Variants in VRK2 observed in about 807,000 individuals in gnomAD.
The protein encoded by VRK2 is serine/threonine-protein kinase VRK2.
Under a neutral mutation model 57.6 loss-of-function variants are expected in VRK2, and 60 were observed. The ratio of observed to expected loss-of-function variants is 1.04; its 90% CI spans 0.85 to 1.29. VRK2 has a LOEUF of 1.29. Among genes scored for constraint, VRK2 ranks in the 50% most tolerant of loss-of-function variants. The probability of loss-of-function intolerance (pLI) is 0.00; values close to 1 mark genes in which losing one functional copy is unlikely to be tolerated. For missense variants in VRK2, 705 were observed against 588.1 expected (o/e 1.20, Z -2.06); for synonymous variants, 231 against 199.2 (o/e 1.16, Z -1.35).
chr2:58,153,151 TATG>T (rs1448453887), intron 12 of VRK2, among the ~76,000 whole-genome samples: 12 of 152,152 alleles, frequency 7.9e-5, no homozygotes, highest in African/African-American at 2.4e-4. Flanking sequence ...AATCAAATCT[TATG>T]ATATGTAACT....
intron 1 of VRK2, among the ~76,000 whole-genome samples, chr2:57,963,391 C>T (rs1008074124): frequency 8.5e-5 from 13 of 152,118 alleles, no homozygotes; most frequent in Non-Finnish European, 1.6e-4. Flanking sequence ...TAATTGTATC[C>T]TAATGTAAAA....
At chr2:57,973,874 T>C (rs1459297242) in intron 1 of VRK2, among the ~76,000 whole-genome samples, 2 of 151,722 alleles carry the variant, frequency 1.3e-5, no homozygotes, top group African/African-American at 4.8e-5. Flanking sequence ...TAGTTGAAAA[T>C]TGTTCTTCTT....
At chr2:57,963,558 G>T (rs1344729774) in intron 1 of VRK2, among the ~76,000 whole-genome samples, 1 of 152,122 alleles carries the variant, frequency 6.6e-6, no homozygotes, top group African/African-American at 2.4e-5. Context: ...ACCGTATGCT[G>T]CATGCTTTTT....
chr2:58,145,694 A>G (rs1164047707), intron 11 of VRK2, among the ~76,000 whole-genome samples: 1 of 151,912 alleles, frequency 6.6e-6, no homozygotes, highest in East Asian at 1.9e-4. Context: ...TTACATATGT[A>G]TATATGTGCC....
At chr2:58,054,554 T>C (rs1676236128) in intron 2 of VRK2, among the ~76,000 whole-genome samples, 1 of 152,132 alleles carries the variant, frequency 6.6e-6, no homozygotes, top group South Asian at 2.1e-4. Context: ...TTAGGTTTTT[T>C]TCTTTAGATA....
chr2:58,130,603 G>A (rs1274030164), intron 8 of VRK2, among the ~76,000 whole-genome samples: 1 of 152,148 alleles, frequency 6.6e-6, no homozygotes, highest in Admixed American at 6.5e-5. Flanking sequence ...TAGTTACGAT[G>A]TGTTGGCATC....
chr2:58,099,882 C>G (rs1673710754), intron 7 of VRK2, among the ~76,000 whole-genome samples: 1 of 151,996 alleles, frequency 6.6e-6, no homozygotes, highest in South Asian at 2.1e-4. Flanking sequence ...TAAGTGATCT[C>G]AAAGGTTCCT....
In VRK2 at chr2:58,112,087, G is replaced by T. The variant is rs567631361; in HGVS notation, c.544-11014G>T. ...TTTTGACTTCAACATAATTTCAGAAGTTGACAGAACCCTTAATTCTATATT... is the reference window on the plus strand; with the variant it reads ...TTTTGACTTCAACATAATTTCAGAATTTGACAGAACCCTTAATTCTATATT... On this transcript the variant is annotated intron_variant, in intron 7 of 12. Transcript: ENST00000340157. Among the ~76,000 whole-genome samples the T allele has an allele frequency of 2.0e-3, 305 of 152,270 alleles. 1 individual carries two copies. Among genetic ancestry groups the T allele is most frequent in the South Asian group, 6.8e-3 (33 of 4,822 alleles).
intron 7 of VRK2, among the ~76,000 whole-genome samples, chr2:58,112,632 A>G (rs1429109368): frequency 6.6e-6 from 1 of 152,118 alleles, no homozygotes; most frequent in African/African-American, 2.4e-5. Context: ...AGTCCTGAAA[A>G]TATGAGACTC....
chr2:58,111,222 T>C (rs1675521619), intron 7 of VRK2, among the ~76,000 whole-genome samples: 1 of 152,166 alleles, frequency 6.6e-6, no homozygotes, highest in Non-Finnish European at 1.5e-5. Context: ...TTTGGGAATA[T>C]ATTTTTCATC....
chr2:57,942,601 T>A (rs772367211), intron 1 of VRK2, among the ~76,000 whole-genome samples: 1 of 152,218 alleles, frequency 6.6e-6, no homozygotes, highest in Non-Finnish European at 1.5e-5. Flanking sequence ...TGCCTGTGTG[T>A]ATGCTTTTTA....
At chr2:57,947,582 C>T (rs1404228684) in intron 1 of VRK2, among the ~76,000 whole-genome samples, 2 of 152,166 alleles carry the variant, frequency 1.3e-5, no homozygotes, top group African/African-American at 4.8e-5. Flanking sequence ...CCAGAGGGTA[C>T]TGTAAACAGT....
At chr2:58,068,508 C>A (rs1362788505) in intron 2 of VRK2, among the ~76,000 whole-genome samples, 4 of 151,992 alleles carry the variant, frequency 2.6e-5, no homozygotes, top group Admixed American at 6.6e-5. Context: ...GCATTGATTT[C>A]TTTGGGTTTA....
At chr2:57,977,724 G>C (rs1672294320) in intron 1 of VRK2, among the ~76,000 whole-genome samples, 1 of 151,130 alleles carries the variant, frequency 6.6e-6, no homozygotes, top group African/African-American at 2.5e-5. Flanking sequence ...TTTCTTGCCT[G>C]ATGGCTCTGT....
At chr2:58,076,812 C>T (rs755680700) in intron 2 of VRK2, among the ~76,000 whole-genome samples, 2 of 151,442 alleles carry the variant, frequency 1.3e-5, no homozygotes, top group Admixed American at 6.6e-5. Flanking sequence ...TTGAATATCA[C>T]CTATTTTGTT....
chr2:57,924,176 T>C (rs1670457206), intron 1 of VRK2, among the ~76,000 whole-genome samples: 1 of 152,104 alleles, frequency 6.6e-6, no homozygotes, highest in Non-Finnish European at 1.5e-5. Context: ...AGTAGTGTTC[T>C]TTTTGCTTAG....
intron 2 of VRK2, 112 bp downstream of exon 2, chr2:58,049,079 A>C (rs1284631272): frequency 7.6e-7 from 1 of 1,320,518 alleles, no homozygotes; most frequent in African/African-American, 1.5e-5. Flanking sequence ...ACTTTATTAA[A>C]ATTCATGATT....
At chr2:58,000,590 AT>A (rs1673060824) in intron 1 of VRK2, among the ~76,000 whole-genome samples, 1 of 152,120 alleles carries the variant, frequency 6.6e-6, no homozygotes, top group South Asian at 2.1e-4. Context: ...TCATTTATTT[AT>A]TTATTTTTGC....
chr2:58,024,799 CATGCTGAAG>C (rs1673873023), intron 1 of VRK2, among the ~76,000 whole-genome samples: 1 of 152,150 alleles, frequency 6.6e-6, no homozygotes, highest in Non-Finnish European at 1.5e-5. Flanking sequence ...AGTAATAATG[CATGCTGAAG>C]ATGCTAAATT....
Sources: gnomAD v4.1 joint callset for allele counts (sites outside exome capture counted in the v4.1 genomes callset) on GRCh38, gnomAD v4.1.1 for gene constraint, MANE v1.5 for transcripts, NCBI Gene and HGNC (gene_info 2026-07-23, HGNC 2026-07-21) for gene names.